MKLN1: variants seen among roughly 807,000 people sequenced by gnomAD.
MKLN1 encodes muskelin 1.
MKLN1 carries 18 observed loss-of-function variants against 99.0 expected under a neutral mutation model. The ratio of observed to expected loss-of-function variants is 0.18; its 90% CI spans 0.13 to 0.27. The LOEUF is 0.27. Ranked by LOEUF, MKLN1 falls within the 10% of genes least tolerant of loss-of-function variation. The pLI, the probability that MKLN1 is intolerant of heterozygous loss-of-function variation, is 1.00. For synonymous variants in MKLN1, 288 were observed against 293.2 expected (o/e 0.98, Z 0.18); for missense variants, 621 against 875.9 (o/e 0.71, Z 3.67).
intron 1 of MKLN1, among the ~76,000 whole-genome samples, chr7:131,362,005 T>C (rs1800044606): frequency 6.6e-6 from 1 of 152,048 alleles, no homozygotes; most frequent in Non-Finnish European, 1.5e-5. Context: ...AAAGAATGGC[T>C]CAAGGAACGC....
intron 17 of MKLN1, among the ~76,000 whole-genome samples, chr7:131,481,127 G>A (rs1349073525): frequency 1.3e-5 from 2 of 152,180 alleles, no homozygotes; most frequent in Non-Finnish European, 2.9e-5. Flanking sequence ...CCTGTGGGAT[G>A]TTGTTTCCTG....
At chr7:131,160,009 G>A (rs1796022817) in intron 2 of MKLN1, among the ~76,000 whole-genome samples, 1 of 151,954 alleles carries the variant, frequency 6.6e-6, no homozygotes, top group South Asian at 2.1e-4. Flanking sequence ...CAGAGCCCGA[G>A]CCTAGCTCCA....
chr7:131,410,420 G>C (rs1794840837), intron 6 of MKLN1, among the ~76,000 whole-genome samples: 1 of 152,096 alleles, frequency 6.6e-6, no homozygotes, highest in Non-Finnish European at 1.5e-5. Context: ...TCTAACATTT[G>C]GTAAGTGTTC....
intron 6 of MKLN1, among the ~76,000 whole-genome samples, chr7:131,402,683 T>C (rs1377405847): frequency 6.6e-6 from 1 of 152,248 alleles, no homozygotes; most frequent in African/African-American, 2.4e-5. Flanking sequence ...TATGTGTTAG[T>C]AGGCATGAAA....
chr7:131,414,853 C>A (rs538695888), intron 8 of MKLN1, 143 bp downstream of exon 8: 3 of 457,816 alleles, frequency 6.6e-6, no homozygotes, highest in Non-Finnish European at 1.2e-5. Context: ...GTTTAACATG[C>A]GGCCTTTTAT....
At chr7:131,350,421 T>C (rs1191158888) in intron 1 of MKLN1, among the ~76,000 whole-genome samples, 2 of 152,162 alleles carry the variant, frequency 1.3e-5, no homozygotes, top group African/African-American at 4.8e-5. Context: ...CAATACACAA[T>C]TTATTTTCTC....
In MKLN1 at chr7:131,387,216, G is replaced by A. The variant is rs976744511; in HGVS notation, c.265G>A (p.Val89Ile). The A allele has an allele frequency of 1.2e-6, 2 of 1,611,926 alleles. No homozygotes were observed. The highest frequency in any genetic ancestry group is 1.7e-6 in the Non-Finnish European group (2 of 1,179,008). Residue 89 changes from valine to isoleucine, a missense_variant, in exon 3 of 18, where the codon GTC (valine) becomes ATC (isoleucine). This residue lies in a region of MKLN1 where 361 missense variants were observed against 540.8 expected (regional missense o/e 0.67). Transcript: ENST00000352689. ...TGTTTGCAATTTGAAGAAATTTAAA[G>A]TCTTTGGTGGAATGAATGAAGAAAA... ...THVCNLKKFK[V>I]FGGMNEENMT...
intron 12 of MKLN1, among the ~76,000 whole-genome samples, chr7:131,454,277 T>C (rs1796271550): frequency 6.6e-6 from 1 of 152,210 alleles, no homozygotes; most frequent in African/African-American, 2.4e-5. Context: ...TTTTATTTAT[T>C]TGATTGTCCA....
intron 2 of MKLN1, among the ~76,000 whole-genome samples, chr7:131,386,809 A>G (rs1322627361): frequency 6.6e-6 from 1 of 152,158 alleles, no homozygotes; most frequent in South Asian, 2.1e-4. Context: ...GGTTTTGCAT[A>G]GTTTGGTTAT....
At chr7:131,383,831 C>T (rs554549248) in intron 2 of MKLN1, among the ~76,000 whole-genome samples, 6 of 152,238 alleles carry the variant, frequency 3.9e-5, no homozygotes, top group South Asian at 2.1e-4. Context: ...TCCATCTCCA[C>T]GCTATTTTAG....
chr7:131,192,138 T>A (rs1366131836), intron 2 of MKLN1, among the ~76,000 whole-genome samples: 2 of 80,282 alleles, frequency 2.5e-5, no homozygotes, highest in African/African-American at 1.1e-4. Flanking sequence ...TATAAAAATA[T>A]ATATACGTAT....
rs1390254923 is a variant in MKLN1 at position 131,490,271 on chromosome 7, A to C, written c.*2543A>C. ...AATTGAAACACCTGGCTAACACTTT[A>C]GACACATAAATTAAGTGGGATACAG... On this transcript the variant is annotated 3_prime_UTR_variant, in exon 18 of 18. Transcript: ENST00000352689. The C allele has an allele frequency of 1.3e-5, 2 of 152,620 alleles. No homozygotes were observed. The highest frequency in any genetic ancestry group is 6.6e-5 in the Admixed American group (1 of 15,258). The allele number at this position is 152,620 out of a possible 1,614,324, so 9.5% of individuals were successfully genotyped here.
intron 2 of MKLN1, among the ~76,000 whole-genome samples, chr7:131,185,423 C>CAAA (rs35268389): frequency 6.6e-4 from 95 of 143,552 alleles, no homozygotes; most frequent in Middle Eastern, 3.5e-3. Flanking sequence ...ACTAAAAATA[C>CAAA]AAAAAAAAAA....
chr7:131,399,021 A>G (rs1794446466), intron 5 of MKLN1, among the ~76,000 whole-genome samples: 1 of 152,174 alleles, frequency 6.6e-6, no homozygotes, highest in South Asian at 2.1e-4. Flanking sequence ...TTGGCTACAT[A>G]TTTTGTGACC....
intron 4 of MKLN1, among the ~76,000 whole-genome samples, chr7:131,395,624 C>A (rs2116220825): frequency 6.6e-6 from 1 of 151,234 alleles, no homozygotes; most frequent in South Asian, 2.1e-4. Context: ...GCTTTTGTAC[C>A]ATTAGTGCAA....
chr7:131,279,030 G>A (rs1798013774), intron 3 of MKLN1, among the ~76,000 whole-genome samples: 1 of 152,214 alleles, frequency 6.6e-6, no homozygotes, highest in South Asian at 2.1e-4. Context: ...AAACTTGGAG[G>A]TTAGCCACCT....
chr7:131,283,116 G>C (rs10268466), intron 3 of MKLN1, among the ~76,000 whole-genome samples: 16,323 of 152,118 alleles, frequency 0.11, 1,428 homozygotes, highest in African/African-American at 0.25. Context: ...TATGTTTATG[G>C]GGATGGCTCA....
chr7:131,160,581 C>T (rs924141262), intron 2 of MKLN1, among the ~76,000 whole-genome samples: 4 of 149,148 alleles, frequency 2.7e-5, no homozygotes, highest in African/African-American at 4.9e-5. Context: ...TGCAGTGGTG[C>T]GATCTTGGCT....
At chr7:131,209,093 A>G (rs1439196102) in intron 3 of MKLN1, among the ~76,000 whole-genome samples, 1 of 152,212 alleles carries the variant, frequency 6.6e-6, no homozygotes, top group Non-Finnish European at 1.5e-5. Context: ...AGGTTCCGAC[A>G]TCCTCAAGAT....
Sources: allele counts gnomAD v4.1 joint callset (sites outside exome capture counted in the v4.1 genomes callset), GRCh38; gene constraint gnomAD v4.1.1; regional missense constraint gnomAD v4.1.1; transcripts MANE v1.5; gene names NCBI Gene and HGNC (gene_info 2026-07-23, HGNC 2026-07-21).